FANCI: variants seen among roughly 807,000 people sequenced by gnomAD.
FANCI encodes FA complementation group I, also known as Fanconi anemia group I protein.
In FANCI, 156 loss-of-function variants were observed where a neutral mutation model predicts 176.1. The observed-to-expected ratio is 0.89, with a 90% confidence interval of 0.78 to 1.01. The LOEUF is 1.01. FANCI is among the 50% of genes least tolerant of loss of function. The pLI is 0.00. For synonymous variants in FANCI, 613 were observed against 541.7 expected, an observed-to-expected ratio of 1.13 and a Z score of -1.83; for missense variants, 1,678 against 1,534.1, an observed-to-expected ratio of 1.09 and a Z score of -1.57.
At position 89,293,815 on chromosome 15, in the gene FANCI, C is replaced by T. The variant is rs901102009; in HGVS notation, c.2292-18C>T. The stretch of plus-strand genomic sequence containing the variant: ...TTCTGATGTTTGTCCTTAGCGGTCT[C>T]TTTTTTGTTTTTTACAGTAAGAATA... On this transcript the variant is annotated intron_variant, in intron 22 of 37. Coordinates refer to ENST00000310775, the MANE Select transcript of FANCI (RefSeq NM_001113378.2). The T allele has an allele frequency of 6.2e-7, 1 of 1,612,554 alleles. No individual in the cohort carries two copies. Among genetic ancestry groups the T allele is most frequent in the Non-Finnish European group, 8.5e-7 (1 of 1,179,452 alleles).
At chr15:89,290,086 G>A (rs2054002482) in intron 18 of FANCI, 127 bp from the exon 19 acceptor site, 1 of 779,292 alleles carries the variant, frequency 1.3e-6, no homozygotes, top group South Asian at 1.4e-5. Context: ...ATTTAGGACT[G>A]TCAAATATGG....
intron 20 of FANCI, 87 bp from the exon 21 acceptor site, chr15:89,292,601 G>A (rs2054110625): frequency 7.6e-7 from 1 of 1,315,862 alleles, no homozygotes; most frequent in Non-Finnish European, 1.1e-6. Context: ...TAGCCTTATA[G>A]ATAAGAATTA....
In FANCI at chr15:89,281,789, A is replaced by G. The variant is rs148780626; in HGVS notation, c.1537A>G (p.Met513Val). ...VQPLLKVSMS[M>V]RDCLILVLRK... ...GCCCCTTCTCAAAGTCAGCATGTCA[A>G]TGAGAGACTGCTTGATACTTGTCCT... The change falls in exon 16 of 38, where the codon ATG becomes GTG. Residue 513 changes from methionine (M) to valine (V), a missense_variant. Met to Val is a conservative substitution (Grantham distance 21). Coordinates refer to ENST00000310775, the MANE Select transcript of FANCI (RefSeq NM_001113378.2). 9.3e-6 allele frequency: 15 copies of G among 1,613,830 alleles called. No homozygotes were observed. In the African/African-American group the frequency reaches 1.3e-4, roughly 14 times the overall value.
At chr15:89,277,170 CCTT>C (rs763603356) in intron 13 of FANCI, among the ~76,000 whole-genome samples, 1 of 152,064 alleles carries the variant, frequency 6.6e-6, no homozygotes, top group East Asian at 1.9e-4. Flanking sequence ...CATGATTTTT[CCTT>C]CTTCTTCCAG....
intron 2 of FANCI, among the ~76,000 whole-genome samples, chr15:89,253,984 T>C (rs2052385221): frequency 6.6e-6 from 1 of 152,106 alleles, no homozygotes; most frequent in Non-Finnish European, 1.5e-5. Flanking sequence ...GGAGCCACCA[T>C]GCCTGGCCCC....
At chr15:89,269,094 A>G (rs2053096973) in intron 10 of FANCI, among the ~76,000 whole-genome samples, 1 of 152,210 alleles carries the variant, frequency 6.6e-6, no homozygotes, top group South Asian at 2.1e-4. Flanking sequence ...AGAAAAGTTA[A>G]AACACTACAT....
At chr15:89,313,155 T>C (rs1232479321) in intron 35 of FANCI, among the ~76,000 whole-genome samples, 183 bp downstream of exon 35, 2 of 149,372 alleles carry the variant, frequency 1.3e-5, no homozygotes, top group African/African-American at 2.5e-5. Context: ...GGTTGGAAGA[T>C]GGGGAGACTG....
chr15:89,247,614 GT>G lies in FANCI; in HGVS notation c.-19-10del, dbSNP rs1251600486. The G allele has an allele frequency of 1.3e-6, 2 of 1,584,544 alleles. No individual in the cohort carries two copies. Among genetic ancestry groups the G allele is most frequent in the Admixed American group, 1.7e-5 (1 of 59,992 alleles). ...TCTGGAATCTTCACCCACCTCTGAC[GT>G]TTTTCCCTTGTAGTTCTGTGATATG... On this transcript the variant is annotated splice_polypyrimidine_tract_variant and intron_variant, in intron 1 of 37. Transcript: ENST00000310775.
chr15:89,285,132 G>A lies in FANCI; in HGVS notation c.1735G>A (p.Ala579Thr), dbSNP rs147963936. 44 of 1,614,040 alleles carry A rather than the reference G, an allele frequency of 2.7e-5. No individual in the cohort carries two copies. The highest frequency in any genetic ancestry group is 1.3e-4 in the African/African-American group (10 of 74,994). Residue 579 changes from alanine (A) to threonine (T), a missense_variant, in exon 18 of 38, where the codon GCC becomes ACC. By Grantham distance (58) the Ala-to-Thr change is moderately conservative. Around this residue, in one of 3 missense-constraint regions of FANCI, gnomAD observed 1,204 missense variants for 1,077.4 expected, o/e 1.12. Coordinates refer to ENST00000310775, the MANE Select transcript of FANCI (RefSeq NM_001113378.2). Reference sequence around the variant, plus strand: ...TGTTCACAGCCATTACAATTCTGTCGCCAATGAAACTTTTTGCCTTGAGAT... The same window carrying A: ...TGTTCACAGCCATTACAATTCTGTCACCAATGAAACTTTTTGCCTTGAGAT... Reference protein sequence around the residue: ...VDVHSHYNSVANETFCLEIMD... With the variant: ...VDVHSHYNSVTNETFCLEIMD...
rs1449698937 is a variant in FANCI at position 89,296,272 on chromosome 15, T to A, written c.2636+1178T>A. Among the ~76,000 whole-genome samples, 208 of 151,890 alleles carry A rather than the reference T, an allele frequency of 1.4e-3. 2 individuals are homozygous for A. Among genetic ancestry groups the A allele is most frequent in the Non-Finnish European group, 2.0e-3 (136 of 67,902 alleles). On this transcript the variant is annotated intron_variant, in intron 24 of 37. Transcript: ENST00000310775. ...AGCCACTGCACCTGGCCCTTATTTT[T>A]TTTTTTTTAATTTTCTGTAGAGATA...
At position 89,312,990 on chromosome 15, in the gene FANCI, A is replaced by G; in HGVS notation, c.3720+18A>G. On this transcript the variant is annotated intron_variant, in intron 35 of 37. Transcript: ENST00000310775. ...CAGCCATGGTAAGCTGCTGACACTG[A>G]CCGTTAAAATATGCTTGTTGGTGAA... The G allele has an allele frequency of 1.2e-6, 2 of 1,612,946 alleles. No individual in the cohort carries two copies. The highest frequency in any genetic ancestry group is 1.7e-6 in the Non-Finnish European group (2 of 1,179,046).
At chr15:89,294,891 T>C (rs1567166349) in intron 23 of FANCI, 24 bp from the exon 24 acceptor site, 1 of 1,546,588 alleles carries the variant, frequency 6.5e-7, no homozygotes, top group East Asian at 2.4e-5. Flanking sequence ...TCCTTTTTCT[T>C]TCTCTCTCTC....
chr15:89,249,519 T>C (rs1256591712), intron 2 of FANCI, among the ~76,000 whole-genome samples: 1 of 152,128 alleles, frequency 6.6e-6, no homozygotes, highest in Non-Finnish European at 1.5e-5. Flanking sequence ...GACTAATTTT[T>C]GTATTTTTAG....
intron 2 of FANCI, among the ~76,000 whole-genome samples, chr15:89,250,962 A>G (rs182340237): frequency 1.4e-4 from 21 of 152,020 alleles, no homozygotes; most frequent in Admixed American, 1.1e-3. Flanking sequence ...AACACAAGAA[A>G]CTACTAAAGA....
intron 18 of FANCI, 75 bp downstream of exon 18, chr15:89,285,293 T>G: frequency 6.4e-7 from 1 of 1,564,290 alleles, no homozygotes; most frequent in Non-Finnish European, 8.7e-7. Context: ...TTTTCCTGAT[T>G]ATAAAAGTAC....
rs1567142658 is a variant in FANCI at position 89,260,839 on chromosome 15, T to TG, written c.286dup (p.Glu96GlyfsTer12). On this transcript the variant is annotated frameshift_variant, in exon 4 of 38. Coordinates refer to ENST00000310775, the MANE Select transcript of FANCI (RefSeq NM_001113378.2). LOFTEE classifies it high-confidence loss of function. ...TCTGAGATCATAGGATTACTGATGC[T>TG]GGAGGTAAGATGGCAAACAAAAACT... 1.2e-6 allele frequency: 2 copies of TG among 1,613,736 alleles called. No homozygotes were observed. Among genetic ancestry groups the TG allele is most frequent in the African/African-American group, 1.3e-5 (1 of 75,034 alleles).
intron 3 of FANCI, among the ~76,000 whole-genome samples, chr15:89,259,679 A>G (rs2052635482): frequency 6.6e-6 from 1 of 152,130 alleles, no homozygotes; most frequent in Non-Finnish European, 1.5e-5. Context: ...GTCCTAAGAA[A>G]CCACGAATCT....
At chr15:89,297,716 G>A (rs970346236) in intron 24 of FANCI, among the ~76,000 whole-genome samples, 8 of 150,926 alleles carry the variant, frequency 5.3e-5, no homozygotes, top group African/African-American at 2.0e-4. Context: ...GTCCAGCTTT[G>A]GCTCGGCATC....
chr15:89,315,418 G>A (rs1195397288), intron 37 of FANCI, 29 bp downstream of exon 37: 1 of 1,475,352 alleles, frequency 6.8e-7, no homozygotes, highest in Non-Finnish European at 9.5e-7. Flanking sequence ...CTGGAGCCCA[G>A]CCACTCTTCC....
Sources: allele counts gnomAD v4.1 joint callset (sites outside exome capture counted in the v4.1 genomes callset), GRCh38; gene constraint gnomAD v4.1.1; regional missense constraint gnomAD v4.1.1; transcripts MANE v1.5; gene names NCBI Gene and HGNC (gene_info 2026-07-23, HGNC 2026-07-21).